Variants in FRMD4A observed in about 807,000 individuals in gnomAD.
FRMD4A encodes FERM domain-containing protein 4A.
A neutral mutation model predicts 129.1 loss-of-function variants in FRMD4A; 29 were observed. The observed-to-expected ratio is 0.22, with a 90% CI of 0.17 to 0.31. The LOEUF (loss-of-function observed/expected upper bound fraction) is 0.31. Ranked by LOEUF, FRMD4A falls within the 10% of genes least tolerant of loss-of-function variation. FRMD4A has a pLI of 1.00. For missense variants in FRMD4A, 1,272 were observed against 1,375.8 expected (o/e 0.92, Z 1.19); for synonymous variants, 634 against 571.6 (o/e 1.11, Z -1.56).
At chr10:14,236,282 C>T (rs143246683) in intron 2 of FRMD4A, among the ~76,000 whole-genome samples, 49 of 152,268 alleles carry the variant, frequency 3.2e-4, no homozygotes, top group African/African-American at 9.9e-4. Flanking sequence ...ACGCATGAAG[C>T]GTGGATGAAG....
chr10:13,959,051 G>C lies in FRMD4A; in HGVS notation c.46-100139C>G, dbSNP rs368486765. ...TATTCTATGAAATGGCTTAAATATG[G>C]GAATTTTATTGGACAGCCTTGGCTG... On this transcript the variant is annotated intron_variant, in intron 2 of 24. Transcript: ENST00000357447. 3.3e-5 allele frequency among the ~76,000 whole-genome samples: 5 copies of C among 152,296 alleles called. No individual in the cohort carries two copies. The East Asian group carries it at 7.7e-4, about 23-fold the overall frequency.
intron 6 of FRMD4A, among the ~76,000 whole-genome samples, chr10:13,773,268 C>A (rs111985326): frequency 5.3e-5 from 8 of 152,290 alleles, no homozygotes; most frequent in African/African-American, 1.7e-4. Context: ...AAAACCCGAC[C>A]TGCCCTTCTC....
chr10:14,315,869 C>T (rs1372540705), intron 2 of FRMD4A, among the ~76,000 whole-genome samples: 1 of 152,218 alleles, frequency 6.6e-6, no homozygotes, highest in Non-Finnish European at 1.5e-5. Flanking sequence ...GTCCACTGAA[C>T]ACTTACTATG....
intron 2 of FRMD4A, among the ~76,000 whole-genome samples, chr10:14,159,391 A>G (rs1447620880): frequency 6.6e-6 from 1 of 152,230 alleles, no homozygotes; most frequent in African/African-American, 2.4e-5. Flanking sequence ...AAAATAAAAT[A>G]CTGAGGAAGA....
intron 5 of FRMD4A, among the ~76,000 whole-genome samples, chr10:13,789,490 A>C (rs896701905): frequency 1.3e-5 from 2 of 151,866 alleles, no homozygotes; most frequent in Non-Finnish European, 2.9e-5. Context: ...GGTAGAAGAA[A>C]ATGTAATTAA....
chr10:14,155,941 T>C (rs1393951952), intron 2 of FRMD4A, among the ~76,000 whole-genome samples: 2 of 152,108 alleles, frequency 1.3e-5, no homozygotes, highest in South Asian at 2.1e-4. Context: ...TTTAGAGAAA[T>C]AGAACATATT....
At chr10:13,976,037 T>C (rs2095541090) in intron 2 of FRMD4A, among the ~76,000 whole-genome samples, 1 of 152,208 alleles carries the variant, frequency 6.6e-6, no homozygotes, top group African/African-American at 2.4e-5. Context: ...CAGAGTGACC[T>C]CTTGGTGTCT....
At chr10:13,704,134 ACT>A (rs1239946313) in intron 13 of FRMD4A, among the ~76,000 whole-genome samples, 2 of 152,220 alleles carry the variant, frequency 1.3e-5, no homozygotes, top group Non-Finnish European at 2.9e-5. Context: ...TGAAATAGTA[ACT>A]CTCAATACAA....
At chr10:14,312,125 G>A (rs1011270112) in intron 2 of FRMD4A, among the ~76,000 whole-genome samples, 36 of 152,152 alleles carry the variant, frequency 2.4e-4, no homozygotes, top group African/African-American at 7.5e-4. Context: ...AAGAAAGAGC[G>A]GGGAGCATTC....
At chr10:13,812,354 T>C (rs1001408881) in intron 3 of FRMD4A, among the ~76,000 whole-genome samples, 2 of 152,220 alleles carry the variant, frequency 1.3e-5, no homozygotes, top group African/African-American at 2.4e-5. Context: ...ATTCGTGTCC[T>C]TATAAGAAGA....
intron 2 of FRMD4A, among the ~76,000 whole-genome samples, chr10:14,292,352 G>A (rs929793259): frequency 6.6e-6 from 1 of 152,204 alleles, no homozygotes; most frequent in Non-Finnish European, 1.5e-5. Context: ...CTTATATGGA[G>A]ATTTGTCACA....
chr10:14,081,796 G>A (rs1835943264), intron 2 of FRMD4A, among the ~76,000 whole-genome samples: 1 of 152,194 alleles, frequency 6.6e-6, no homozygotes, highest in African/African-American at 2.4e-5. Context: ...AGGTGACATA[G>A]CCAGCCTACT....
At chr10:14,306,040 T>C (rs1027682793) in intron 2 of FRMD4A, among the ~76,000 whole-genome samples, 1 of 152,180 alleles carries the variant, frequency 6.6e-6, no homozygotes, top group Admixed American at 6.6e-5. Flanking sequence ...GCTTAATACC[T>C]AGGTGATGGG....
rs115771237 is a variant in FRMD4A at position 14,005,725 on chromosome 10, C to T, written c.46-146813G>A. Among the ~76,000 whole-genome samples the T allele has an allele frequency of 4.3e-3, 650 of 152,294 alleles. 6 individuals are homozygous for T. The highest frequency in any genetic ancestry group is 0.015 in the African/African-American group (620 of 41,560). On this transcript the variant is annotated intron_variant, in intron 2 of 24. Coordinates refer to ENST00000357447, the MANE Select transcript of FRMD4A (RefSeq NM_018027.5). ...AACATGATCCTATGGCAAGAACATA[C>T]AATGCCAGGTCCCTGGATTTAGGTC...
chr10:13,652,085 T>G, intron 23 of FRMD4A, 111 bp from the exon 24 acceptor site: 1 of 738,198 alleles, frequency 1.4e-6, no homozygotes, highest in South Asian at 1.5e-5. Context: ...AAAGGCTTGC[T>G]GATTAGACAC....
intron 17 of FRMD4A, chr10:13,667,469 GA>G (rs1237365853): frequency 6.6e-6 from 1 of 152,218 alleles, no homozygotes; most frequent in Non-Finnish European, 1.5e-5. Flanking sequence ...TTGGGACCGG[GA>G]AGAATGAAGC....
Position 14,066,152 on chromosome 10 carries a change from GA to G in FRMD4A, c.46-207241del, listed in dbSNP as rs1835050562. ...GCACATAGAAGGGAACAAATATTCA[GA>G]AACACTCCATTGATTCAGAGTTGCA... On this transcript the variant is annotated intron_variant, in intron 2 of 24. Coordinates refer to ENST00000357447, the MANE Select transcript of FRMD4A (RefSeq NM_018027.5). Among the ~76,000 whole-genome samples, 5 of 152,172 alleles carry G rather than the reference GA, an allele frequency of 3.3e-5. No homozygotes were observed. In the South Asian group the frequency reaches 1.0e-3, roughly 32 times the overall value.
intron 17 of FRMD4A, among the ~76,000 whole-genome samples, chr10:13,666,911 CTTTTTTTTT>C (rs10546068): frequency 3.5e-5 from 4 of 114,388 alleles, no homozygotes; most frequent in Admixed American, 1.9e-4. Context: ...CTTTTCTTTT[CTTTTTTTTT>C]TTTTTTTTTT....
chr10:14,066,008 T>TTGTG (rs61167438), intron 2 of FRMD4A, among the ~76,000 whole-genome samples: 3,945 of 139,132 alleles, frequency 0.028, 124 homozygotes, highest in African/African-American at 0.065. Context: ...GGGTATGTAT[T>TTGTG]TGTGTGTGTG....
Sources: allele counts gnomAD v4.1 joint callset (sites outside exome capture counted in the v4.1 genomes callset), GRCh38; gene constraint gnomAD v4.1.1; transcripts MANE v1.5; gene names NCBI Gene and HGNC (gene_info 2026-07-23, HGNC 2026-07-21).